The following RANBP2 variants were observed in gnomAD, a reference collection of about 807,000 sequenced individuals.
The protein encoded by RANBP2 is RAN binding protein 2, also known as E3 SUMO-protein ligase RanBP2.
Under a neutral mutation model 303.6 loss-of-function variants are expected in RANBP2, and 57 were observed. The observed-to-expected ratio is 0.19, with a 90% CI of 0.15 to 0.23. RANBP2 has a LOEUF of 0.23. RANBP2 is among the 10% of genes least tolerant of loss of function. The pLI is 1.00. For synonymous variants in RANBP2, 1,167 were observed against 1,301.5 expected (o/e 0.90, Z 2.23); for missense variants, 3,138 against 3,780.8 (o/e 0.83, Z 4.46).
At chr2:109,618,005 G>T in the RANBP2 span, 2 of 144,172 alleles carry the variant, frequency 1.4e-5, no homozygotes, top group Non-Finnish European at 3.1e-5. Flanking sequence ...GGGCAACGGA[G>T]ACTCTGTCTC....
the RANBP2 span, among the ~76,000 whole-genome samples, chr2:108,979,159 T>C: frequency 6.6e-6 from 1 of 152,172 alleles, no homozygotes; most frequent in Non-Finnish European, 1.5e-5. Context: ...ACTGTGTTTC[T>C]CCATCCACTG....
At chr2:109,687,100 G>A in the RANBP2 span, among the ~76,000 whole-genome samples, 2 of 151,986 alleles carry the variant, frequency 1.3e-5, no homozygotes, top group African/African-American at 2.4e-5. Context: ...CTCTTCCCCC[G>A]CATAGAGAAC....
At chr2:109,465,818 A>G in the RANBP2 span, among the ~76,000 whole-genome samples, 2 of 151,976 alleles carry the variant, frequency 1.3e-5, no homozygotes, top group South Asian at 4.1e-4. Flanking sequence ...CCTTTAAACA[A>G]TCAGGTCTCA....
chr2:109,086,276 G>A, the RANBP2 span, among the ~76,000 whole-genome samples: 1 of 152,128 alleles, frequency 6.6e-6, no homozygotes, highest in Admixed American at 6.5e-5. Context: ...TGTTGGGGGA[G>A]GGGGGCGGTC....
the RANBP2 span, among the ~76,000 whole-genome samples, chr2:109,055,708 T>C: frequency 6.7e-6 from 1 of 148,422 alleles, no homozygotes; most frequent in Non-Finnish European, 1.5e-5. Context: ...TTACAAGTCT[T>C]CCTGGTATCT....
At chr2:108,736,404 TTTC>T (rs1226011574) in intron 6 of RANBP2, among the ~76,000 whole-genome samples, 155 bp downstream of exon 6, 1 of 152,216 alleles carries the variant, frequency 6.6e-6, no homozygotes, top group African/African-American at 2.4e-5. Flanking sequence ...CAATCTTATT[TTTC>T]TTCTTTTACG....
intron 7 of RANBP2, among the ~76,000 whole-genome samples, chr2:108,742,017 A>G (rs1209555841): frequency 6.6e-6 from 1 of 151,312 alleles, no homozygotes; most frequent in Non-Finnish European, 1.5e-5. Context: ...TCTTTTTGAG[A>G]CGGGGTTTTG....
chr2:108,867,702 T>G, the RANBP2 span, among the ~76,000 whole-genome samples: 1 of 152,222 alleles, frequency 6.6e-6, no homozygotes, highest in Non-Finnish European at 1.5e-5. Flanking sequence ...CTATTCATAC[T>G]ATTGCTTTTT....
chr2:109,633,843 C>T, the RANBP2 span, among the ~76,000 whole-genome samples: 1 of 151,748 alleles, frequency 6.6e-6, no homozygotes, highest in Non-Finnish European at 1.5e-5. Flanking sequence ...AAAAGTCAGC[C>T]TGGCGCAATG....
chr2:109,387,950 A>G, the RANBP2 span, among the ~76,000 whole-genome samples: 237 of 151,850 alleles, frequency 1.6e-3, 1 homozygote, highest in South Asian at 2.7e-3. Context: ...ATTCCCAACC[A>G]TGCTGAGGCT....
chr2:108,964,750 G>A, the RANBP2 span, among the ~76,000 whole-genome samples: 1 of 152,218 alleles, frequency 6.6e-6, no homozygotes, highest in African/African-American at 2.4e-5. Flanking sequence ...TGCTCACTAA[G>A]TGACAGCAGG....
the RANBP2 span, among the ~76,000 whole-genome samples, chr2:109,371,962 G>A: frequency 3.6e-3 from 555 of 152,266 alleles, 1 homozygote; most frequent in Non-Finnish European, 4.9e-3. Flanking sequence ...CACCTTCCCC[G>A]TTTTCTCAAG....
chr2:109,245,721 A>G, the RANBP2 span, among the ~76,000 whole-genome samples: 1 of 152,244 alleles, frequency 6.6e-6, no homozygotes, highest in Admixed American at 6.5e-5. Context: ...ATATCTTAAC[A>G]AATTCAGGAA....
the RANBP2 span, among the ~76,000 whole-genome samples, chr2:109,478,564 G>A: frequency 1.5e-3 from 235 of 152,244 alleles, no homozygotes; most frequent in Non-Finnish European, 2.9e-3. Flanking sequence ...CTATTATTTG[G>A]ATGTCTGGTA....
At chr2:109,444,521 G>C in the RANBP2 span, among the ~76,000 whole-genome samples, 1 of 152,132 alleles carries the variant, frequency 6.6e-6, no homozygotes, top group Non-Finnish European at 1.5e-5. Context: ...CATTTTCCAG[G>C]GGATGGGCCA....
chr2:109,445,090 A>T, the RANBP2 span, among the ~76,000 whole-genome samples: 1 of 152,242 alleles, frequency 6.6e-6, no homozygotes, highest in East Asian at 1.9e-4. Flanking sequence ...GACACAGTTG[A>T]AAGTGGAATT....
At chr2:109,429,952 G>A in the RANBP2 span, among the ~76,000 whole-genome samples, 12,135 of 152,240 alleles carry the variant, frequency 0.08, 970 homozygotes, top group African/African-American at 0.2. Flanking sequence ...CCAATCCACG[G>A]AACAAGGCCT....
the RANBP2 span, among the ~76,000 whole-genome samples, chr2:109,455,642 C>T: frequency 5.9e-5 from 9 of 152,318 alleles, no homozygotes; most frequent in Non-Finnish European, 1.2e-4. Flanking sequence ...AGTGGCCAGG[C>T]AGCTCTCTCT....
chr2:109,103,018 C>CA, the RANBP2 span, among the ~76,000 whole-genome samples: 1 of 152,156 alleles, frequency 6.6e-6, no homozygotes. Flanking sequence ...TGGCAGCAAA[C>CA]AGTGAGCTGC....
Sources: gnomAD v4.1 joint callset for allele counts (sites outside exome capture counted in the v4.1 genomes callset) on GRCh38, gnomAD v4.1.1 for gene constraint, MANE v1.5 for transcripts, NCBI Gene and HGNC (gene_info 2026-07-23, HGNC 2026-07-21) for gene names.